The following ANKFN1 variants were observed in gnomAD, a reference collection of about 807,000 sequenced individuals.
ANKFN1 encodes the protein ankyrin repeat and fibronectin type-III domain-containing protein 1.
ANKFN1 carries 74 observed loss-of-function variants against 108.7 expected under a neutral mutation model. The ratio of observed to expected loss-of-function variants is 0.68; its 90% CI spans 0.56 to 0.83. ANKFN1 has a LOEUF of 0.83. ANKFN1 is among the 40% of genes least tolerant of loss of function. The pLI, the probability that ANKFN1 is intolerant of heterozygous loss-of-function variation, is 0.00. For synonymous variants in ANKFN1, 547 were observed against 516.2 expected (o/e 1.06, Z -0.81); for missense variants, 1,505 against 1,382.3 (o/e 1.09, Z -1.41).
intron 1 of ANKFN1, among the ~76,000 whole-genome samples, chr17:56,179,422 T>G (rs760876679): frequency 5.7e-4 from 87 of 152,152 alleles, no homozygotes; most frequent in Non-Finnish European, 9.4e-4. Flanking sequence ...CCTGCCCTGT[T>G]TGAAATGCAG....
At chr17:56,384,258 G>A (rs74668155) in intron 8 of ANKFN1, among the ~76,000 whole-genome samples, 87,808 of 151,598 alleles carry the variant, frequency 0.58, 28,602 homozygotes, top group East Asian at 0.96. Context: ...TGCAGAACAG[G>A]CCTTTGATAA....
At chr17:56,096,500 T>A (rs78281406) in intron 4 of ANKFN1, among the ~76,000 whole-genome samples, 2,564 of 152,254 alleles carry the variant, frequency 0.017, 73 homozygotes, top group African/African-American at 0.058. Flanking sequence ...CCAAGGGTAG[T>A]ATGTTTGGTA....
intron 8 of ANKFN1, among the ~76,000 whole-genome samples, chr17:56,396,380 G>A (rs1304534703): frequency 1.3e-5 from 2 of 152,182 alleles, no homozygotes; most frequent in Admixed American, 6.5e-5. Context: ...CCCAGGAGGC[G>A]GAGGTTGCAG....
chr17:56,107,584 T>A (rs1324812826), intron 4 of ANKFN1, among the ~76,000 whole-genome samples: 2 of 152,116 alleles, frequency 1.3e-5, no homozygotes, highest in Non-Finnish European at 2.9e-5. Context: ...TATTTCCTGA[T>A]CCCAAAGAGC....
chr17:56,237,222 G>T (rs1443892887), intron 3 of ANKFN1, among the ~76,000 whole-genome samples: 1 of 152,040 alleles, frequency 6.6e-6, no homozygotes, highest in Non-Finnish European at 1.5e-5. Context: ...TGAAGTTTTT[G>T]TTGTTGTTGT....
At chr17:56,273,017 T>C (rs1470082626) in intron 3 of ANKFN1, among the ~76,000 whole-genome samples, 1 of 152,230 alleles carries the variant, frequency 6.6e-6, no homozygotes, top group Non-Finnish European at 1.5e-5. Flanking sequence ...CAGCTGTTAG[T>C]GCATCTTAAC....
chr17:56,349,181 A>AACACATGG (rs1327569193), intron 4 of ANKFN1, among the ~76,000 whole-genome samples: 38 of 152,256 alleles, frequency 2.5e-4, no homozygotes, highest in South Asian at 2.1e-3. Flanking sequence ...GGATGATGAG[A>AACACATGG]ACACATGGAC....
At chr17:56,177,709 A>C (rs1445609046) in intron 1 of ANKFN1, among the ~76,000 whole-genome samples, 2 of 152,224 alleles carry the variant, frequency 1.3e-5, no homozygotes, top group Non-Finnish European at 2.9e-5. Context: ...AACAGCAGAA[A>C]TAAAGATGTG....
intron 8 of ANKFN1, among the ~76,000 whole-genome samples, chr17:56,376,249 TG>T (rs1342001946): frequency 2.6e-5 from 4 of 152,164 alleles, no homozygotes; most frequent in Admixed American, 2.6e-4. Context: ...GTAGCTTTCT[TG>T]GGTACTTAGA....
intron 3 of ANKFN1, among the ~76,000 whole-genome samples, chr17:56,248,824 G>T (rs1181052309): frequency 1.3e-5 from 2 of 152,192 alleles, no homozygotes; most frequent in Non-Finnish European, 2.9e-5. Context: ...AGTACATGTG[G>T]TTTATTAGGA....
intron 3 of ANKFN1, among the ~76,000 whole-genome samples, chr17:56,252,715 A>G (rs917547829): frequency 2.8e-5 from 4 of 145,068 alleles, no homozygotes; most frequent in African/African-American, 7.7e-5. Flanking sequence ...GATAATTGAA[A>G]TACTTACAGT....
chr17:56,156,050 C>CTCCATT, intron 1 of ANKFN1, among the ~76,000 whole-genome samples: 1 of 150,568 alleles, frequency 6.6e-6, no homozygotes, highest in Non-Finnish European at 1.5e-5. Context: ...CTTCCCTCTT[C>CTCCATT]TCCATTTCCT....
chr17:56,496,114 C>G (rs1256466603), intron 19 of ANKFN1, among the ~76,000 whole-genome samples: 1 of 152,094 alleles, frequency 6.6e-6, no homozygotes, highest in African/African-American at 2.4e-5. Context: ...AATTGGCCTT[C>G]TTTTGGAGCA....
At chr17:56,351,074 A>G in intron 5 of ANKFN1, 107 bp downstream of exon 5, 1 of 1,133,258 alleles carries the variant, frequency 8.8e-7, no homozygotes, top group South Asian at 1.5e-5. Flanking sequence ...TGATGCTTGC[A>G]ATTTTATAAA....
chr17:56,081,833 C>T (rs1424588777), intron 4 of ANKFN1, among the ~76,000 whole-genome samples: 2 of 152,188 alleles, frequency 1.3e-5, no homozygotes, highest in Admixed American at 6.5e-5. Context: ...TCACCTGAGG[C>T]TTTCTTCCCT....
At chr17:56,292,060 G>C (rs1256751853) in intron 3 of ANKFN1, among the ~76,000 whole-genome samples, 1 of 152,190 alleles carries the variant, frequency 6.6e-6, no homozygotes, top group East Asian at 1.9e-4. Context: ...GAGCCAATCA[G>C]GTGGCATCTC....
intron 4 of ANKFN1, among the ~76,000 whole-genome samples, chr17:56,102,720 C>A (rs574494131): frequency 4.5e-4 from 69 of 152,042 alleles, no homozygotes; most frequent in African/African-American, 1.6e-3. Context: ...TTGGAAATCA[C>A]TGAATTAATA....
At chr17:56,310,639 A>G (rs1475020163) in intron 3 of ANKFN1, among the ~76,000 whole-genome samples, 2 of 152,168 alleles carry the variant, frequency 1.3e-5, no homozygotes, top group African/African-American at 4.8e-5. Flanking sequence ...GAAAAAAAGA[A>G]AATTACAAAT....
At chr17:56,394,370 C>T (rs987722689) in intron 8 of ANKFN1, among the ~76,000 whole-genome samples, 2 of 152,170 alleles carry the variant, frequency 1.3e-5, no homozygotes. Context: ...CTCCCTCTTC[C>T]CTGTCATACA....
Sources: allele counts gnomAD v4.1 joint callset (sites outside exome capture counted in the v4.1 genomes callset), GRCh38; gene constraint gnomAD v4.1.1; transcripts MANE v1.5; gene names NCBI Gene and HGNC (gene_info 2026-07-23, HGNC 2026-07-21).